RYR2: variants seen among roughly 807,000 people sequenced by gnomAD.
RYR2 encodes ryanodine receptor 2.
Under a neutral mutation model 601.1 loss-of-function variants are expected in RYR2, and 227 were observed. That is an observed-to-expected ratio of 0.38 (90% CI 0.34 to 0.42). The LOEUF is 0.42. Ranked by LOEUF, RYR2 falls within the 10% of genes least tolerant of loss-of-function variation. The pLI, the probability that RYR2 is intolerant of heterozygous loss-of-function variation, is 1.00. For missense variants in RYR2, 4,646 were observed against 6,156.5 expected, an observed-to-expected ratio of 0.75 and a Z score of 8.21; for synonymous variants, 2,223 against 2,175.1, an observed-to-expected ratio of 1.02 and a Z score of -0.61.
At chr1:237,271,305 C>T (rs556928205) in intron 2 of RYR2, among the ~76,000 whole-genome samples, 1 of 152,114 alleles carries the variant, frequency 6.6e-6, no homozygotes, top group East Asian at 1.9e-4. Flanking sequence ...GAGACAATCG[C>T]TCCGAGGATA....
intron 5 of RYR2, among the ~76,000 whole-genome samples, chr1:237,364,961 T>C (rs1210905560): frequency 6.6e-6 from 1 of 152,154 alleles, no homozygotes; most frequent in African/African-American, 2.4e-5. Flanking sequence ...GAAAATATTG[T>C]AAAAGTAGAC....
chr1:237,316,391 C>T (rs1200955732), intron 2 of RYR2, among the ~76,000 whole-genome samples: 4 of 152,114 alleles, frequency 2.6e-5, no homozygotes, highest in African/African-American at 9.7e-5. Flanking sequence ...AAACTCAATC[C>T]TTTATAGCAC....
intron 29 of RYR2, among the ~76,000 whole-genome samples, chr1:237,582,651 C>T (rs1674054015): frequency 6.6e-6 from 1 of 152,122 alleles, no homozygotes; most frequent in Non-Finnish European, 1.5e-5. Flanking sequence ...GTTCAGCTCT[C>T]ACTTGTAAGT....
intron 14 of RYR2, among the ~76,000 whole-genome samples, chr1:237,454,003 C>CT (rs1658499180): frequency 6.6e-6 from 1 of 152,020 alleles, no homozygotes; most frequent in Non-Finnish European, 1.5e-5. Context: ...TTAGGAATTC[C>CT]TTTTTGAAGA....
At chr1:237,218,978 C>T (rs568067141) in intron 1 of RYR2, among the ~76,000 whole-genome samples, 16 of 150,830 alleles carry the variant, frequency 1.1e-4, no homozygotes, top group African/African-American at 3.2e-4. Flanking sequence ...GGCTGACCCA[C>T]GTGATCCATC....
chr1:237,122,126 A>G (rs1476072363), intron 1 of RYR2, among the ~76,000 whole-genome samples: 2 of 152,220 alleles, frequency 1.3e-5, no homozygotes, highest in Admixed American at 6.5e-5. Flanking sequence ...AGTTACTTAA[A>G]TGTTAGTTAG....
intron 83 of RYR2, 131 bp downstream of exon 83, chr1:237,759,983 T>A: frequency 3.0e-6 from 2 of 667,034 alleles, no homozygotes; most frequent in Admixed American, 5.8e-5. Flanking sequence ...AGTGGGATAA[T>A]CGGCAGTGTC....
Position 237,323,628 on chromosome 1 carries a change from G to A in RYR2, c.169-7250G>A, listed in dbSNP as rs73127281. 9.4e-3 allele frequency among the ~76,000 whole-genome samples: 1,436 copies of A among 152,270 alleles called. 23 individuals carry two copies. The highest frequency in any genetic ancestry group is 0.032 in the African/African-American group (1,338 of 41,554). ...CATGTCAAGGAGCAAAATGAACACC[G>A]AGCAAACCATATGGGATGCTACGAA... On this transcript the variant is annotated intron_variant, in intron 2 of 104. Transcript: ENST00000366574.
chr1:237,713,360 T>C (rs1412689759), intron 71 of RYR2, among the ~76,000 whole-genome samples: 1 of 152,160 alleles, frequency 6.6e-6, no homozygotes, highest in African/African-American at 2.4e-5. Flanking sequence ...CCCACAAATT[T>C]TCTCAAACTA....
intron 1 of RYR2, among the ~76,000 whole-genome samples, chr1:237,119,755 G>A (rs1670572007): frequency 6.6e-6 from 1 of 152,168 alleles, no homozygotes; most frequent in Non-Finnish European, 1.5e-5. Flanking sequence ...TCGGTGCCAG[G>A]GAGACCTGGG....
chr1:237,311,766 A>G (rs922608457), intron 2 of RYR2, among the ~76,000 whole-genome samples: 1 of 152,032 alleles, frequency 6.6e-6, no homozygotes. Flanking sequence ...GGCGCGAACC[A>G]CCATTGTCGG....
At position 237,706,804 on chromosome 1, in the gene RYR2, G is replaced by A. The variant is rs566761792; in HGVS notation, c.9581-145G>A. 7.5e-4 allele frequency: 502 copies of A among 666,914 alleles called. 4 individuals are homozygous for A. Among genetic ancestry groups the A allele is most frequent in the Middle Eastern group, 1.8e-3 (5 of 2,832 alleles). The allele number at this position is 666,914 out of a possible 1,614,324, so 41.3% of individuals were successfully genotyped here. On this transcript the variant is annotated intron_variant, in intron 67 of 104. Coordinates refer to ENST00000366574, the MANE Select transcript of RYR2 (RefSeq NM_001035.3). ...AGAGAAGCTTTGAAATAGCTACCTT[G>A]AAACACAGGAGAAGGAGCCAGTTGC... is the stretch of plus-strand genomic sequence containing the variant.
intron 47 of RYR2, among the ~76,000 whole-genome samples, chr1:237,641,463 G>GTCTT (rs1459578599): frequency 1.1e-3 from 60 of 55,248 alleles, no homozygotes; most frequent in East Asian, 5.3e-3. Context: ...ATAAATTAGT[G>GTCTT]TCTGTCTGTC....
chr1:237,529,006 T>G (rs12134408), intron 24 of RYR2, among the ~76,000 whole-genome samples: 1 of 152,112 alleles, frequency 6.6e-6, no homozygotes, highest in Admixed American at 6.5e-5. Flanking sequence ...TTTGATACTT[T>G]TACAGCCTTG....
At chr1:237,805,442 G>A (rs549604770) in intron 98 of RYR2, among the ~76,000 whole-genome samples, 4 of 151,930 alleles carry the variant, frequency 2.6e-5, no homozygotes, top group Non-Finnish European at 4.4e-5. Context: ...TTAGCCGGGC[G>A]TGGTGGCGGA....
At chr1:237,374,612 C>T (rs1221213902) in intron 6 of RYR2, 105 bp from the exon 7 acceptor site, 3 of 878,516 alleles carry the variant, frequency 3.4e-6, no homozygotes, top group African/African-American at 3.3e-5. Flanking sequence ...GAGCTGTGAT[C>T]ACGCCACTGC....
chr1:237,273,607 C>G (rs2149357007), intron 2 of RYR2, among the ~76,000 whole-genome samples: 1 of 152,150 alleles, frequency 6.6e-6, no homozygotes, highest in Admixed American at 6.5e-5. Flanking sequence ...GTAAGTATGA[C>G]TACCAAAAAT....
chr1:237,396,537 C>T (rs1210760847), intron 10 of RYR2, among the ~76,000 whole-genome samples: 1 of 152,116 alleles, frequency 6.6e-6, no homozygotes, highest in Admixed American at 6.5e-5. Flanking sequence ...TTATTTCTTC[C>T]CATTTAAGCA....
chr1:237,574,065 T>C (rs1275666599), intron 29 of RYR2, among the ~76,000 whole-genome samples: 1 of 152,116 alleles, frequency 6.6e-6, no homozygotes, highest in Non-Finnish European at 1.5e-5. Flanking sequence ...AATTTCAGGG[T>C]TTAAAGGCCG....
Sources: allele counts gnomAD v4.1 joint callset (sites outside exome capture counted in the v4.1 genomes callset), GRCh38; gene constraint gnomAD v4.1.1; transcripts MANE v1.5; gene names NCBI Gene and HGNC (gene_info 2026-07-23, HGNC 2026-07-21).